Variants in ICA1 observed in about 807,000 individuals in gnomAD.
ICA1 encodes islet cell autoantigen 1, also known as 69 kDa islet cell autoantigen.
ICA1 carries 40 observed loss-of-function variants against 71.0 expected under a neutral mutation model. That is an observed-to-expected ratio of 0.56 (90% CI 0.44 to 0.73). The LOEUF (loss-of-function observed/expected upper bound fraction) is 0.73. ICA1 is among the 30% of genes least tolerant of loss of function. The pLI is 0.00. For synonymous variants in ICA1, 207 were observed against 209.5 expected (o/e 0.99, Z 0.10); for missense variants, 578 against 576.5 (o/e 1.00, Z -0.03).
At chr7:8,227,009 T>C (rs1387047378) in intron 4 of ICA1, among the ~76,000 whole-genome samples, 1 of 152,208 alleles carries the variant, frequency 6.6e-6, no homozygotes, top group East Asian at 1.9e-4. Context: ...ACAATATATA[T>C]TGTTTAATGA....
intron 12 of ICA1, among the ~76,000 whole-genome samples, chr7:8,136,984 T>C (rs1584404872): frequency 6.6e-6 from 1 of 152,052 alleles, no homozygotes; most frequent in African/African-American, 2.4e-5. Context: ...AAAAAATGCA[T>C]GACTACTGGG....
At chr7:8,203,956 C>T (rs922539484) in intron 6 of ICA1, among the ~76,000 whole-genome samples, 1 of 152,018 alleles carries the variant, frequency 6.6e-6, no homozygotes, top group African/African-American at 2.4e-5. Flanking sequence ...AGGCTCTAGA[C>T]CTGCCATTTC....
intron 12 of ICA1, among the ~76,000 whole-genome samples, chr7:8,138,592 A>T (rs1488004066): frequency 6.6e-6 from 1 of 152,208 alleles, no homozygotes; most frequent in Non-Finnish European, 1.5e-5. Context: ...ACAGCATGTG[A>T]CCCATGACAT....
At chr7:8,117,913 C>A (rs1489547943) in intron 13 of ICA1, among the ~76,000 whole-genome samples, 1 of 152,172 alleles carries the variant, frequency 6.6e-6, no homozygotes, top group African/African-American at 2.4e-5. Context: ...GAATTACACT[C>A]TATTTCTTAG....
At chr7:8,227,605 C>CTTTTT in intron 4 of ICA1, 85 of 311,868 alleles carry the variant, frequency 2.7e-4, no homozygotes, top group Middle Eastern at 8.9e-4. Context: ...AAGTAGTTGT[C>CTTTTT]TTTTTTTTTT....
intron 6 of ICA1, among the ~76,000 whole-genome samples, chr7:8,166,202 T>A (rs920214195): frequency 6.6e-6 from 1 of 152,158 alleles, no homozygotes; most frequent in African/African-American, 2.4e-5. Context: ...TGGCCTATCA[T>A]GAAAAGAACC....
chr7:8,192,831 T>A (rs1282649728), intron 6 of ICA1, among the ~76,000 whole-genome samples: 1 of 152,252 alleles, frequency 6.6e-6, no homozygotes, highest in Non-Finnish European at 1.5e-5. Flanking sequence ...ATTAGTAATT[T>A]ATTTTAACGC....
intron 8 of ICA1, among the ~76,000 whole-genome samples, chr7:8,147,834 T>C (rs762858366): frequency 5.3e-5 from 8 of 152,026 alleles, no homozygotes; most frequent in Non-Finnish European, 8.8e-5. Context: ...TTTGTTATAA[T>C]GTTGATGAGA....
intron 6 of ICA1, among the ~76,000 whole-genome samples, chr7:8,195,952 T>C (rs1787366378): frequency 6.6e-6 from 1 of 151,882 alleles, no homozygotes; most frequent in Non-Finnish European, 1.5e-5. Flanking sequence ...CACTCCAGCC[T>C]GGGCAACAGA....
At chr7:8,233,961 G>A (rs1029395219) in intron 2 of ICA1, among the ~76,000 whole-genome samples, 2 of 152,196 alleles carry the variant, frequency 1.3e-5, no homozygotes, top group Admixed American at 6.5e-5. Context: ...GGTGGCTCAT[G>A]CCTTTAATTC....
chr7:8,224,208 C>T (rs1318493901), intron 4 of ICA1, among the ~76,000 whole-genome samples: 1 of 152,148 alleles, frequency 6.6e-6, no homozygotes, highest in Admixed American at 6.5e-5. Flanking sequence ...GGGAAGGCAT[C>T]TCTGAGCAGC....
chr7:8,136,880 A>G (rs1793604474), intron 12 of ICA1, among the ~76,000 whole-genome samples: 1 of 152,222 alleles, frequency 6.6e-6, no homozygotes, highest in African/African-American at 2.4e-5. Flanking sequence ...ACAAGTGTCA[A>G]TCTCATTCCA....
At chr7:8,198,092 A>C (rs1778236348) in intron 6 of ICA1, among the ~76,000 whole-genome samples, 1 of 152,250 alleles carries the variant, frequency 6.6e-6, no homozygotes, top group Non-Finnish European at 1.5e-5. Flanking sequence ...CCACAAGCCA[A>C]AATATGGAAG....
intron 10 of ICA1, among the ~76,000 whole-genome samples, chr7:8,141,003 G>C (rs865953264): frequency 6.6e-6 from 1 of 152,196 alleles, no homozygotes; most frequent in Non-Finnish European, 1.5e-5. Flanking sequence ...CACAGTGTTG[G>C]GGTAATTTTA....
chr7:8,208,216 A>G (rs181121998), intron 6 of ICA1, among the ~76,000 whole-genome samples: 14 of 152,250 alleles, frequency 9.2e-5, no homozygotes, highest in Non-Finnish European at 1.5e-4. Context: ...CAACCACGAA[A>G]CCATTATTTT....
At chr7:8,240,331 T>C (rs2128485117) in intron 1 of ICA1, among the ~76,000 whole-genome samples, 1 of 152,312 alleles carries the variant, frequency 6.6e-6, no homozygotes, top group East Asian at 1.9e-4. Flanking sequence ...GGGACCTGAC[T>C]GTTAGAAGGA....
At chr7:8,204,431 A>G (rs1562985463) in intron 6 of ICA1, among the ~76,000 whole-genome samples, 1 of 152,238 alleles carries the variant, frequency 6.6e-6, no homozygotes, top group East Asian at 1.9e-4. Flanking sequence ...ACTCTTGTGC[A>G]GTTTTAACGA....
At chr7:8,152,816 C>T in intron 8 of ICA1, among the ~76,000 whole-genome samples, 1 of 132,820 alleles carries the variant, frequency 7.5e-6, no homozygotes, top group Non-Finnish European at 1.6e-5. Flanking sequence ...CCACCACCAT[C>T]TCCTTCAACA....
At position 8,221,292 on chromosome 7, in the gene ICA1, G is replaced by A. The variant is rs1329893981; in HGVS notation, c.363C>T (p.Cys121=). 1 of 1,613,662 alleles carries A rather than the reference G, an allele frequency of 6.2e-7. No individual in the cohort carries two copies. The change falls in exon 5 of 14, where the codon TGC becomes TGT. Residue 121 remains cysteine (C), a synonymous_variant. Coordinates refer to ENST00000402384, the MANE Select transcript of ICA1 (RefSeq NM_001136020.3). ...KMMQATGKAL[C]FSSQQRLALR... ...CCACACACCTTTGCTGGGAAGAAAA[G>A]CAGAGGGCCTTTCCTGTCGCTTGCA...
Sources: allele counts gnomAD v4.1 joint callset (sites outside exome capture counted in the v4.1 genomes callset), GRCh38; gene constraint gnomAD v4.1.1; transcripts MANE v1.5; gene names NCBI Gene and HGNC (gene_info 2026-07-23, HGNC 2026-07-21).